GPR139: variants seen among roughly 807,000 people sequenced by gnomAD.
GPR139 encodes G protein-coupled receptor 139.
In GPR139, 12 loss-of-function variants were observed where a neutral mutation model predicts 25.8. That is an observed-to-expected ratio of 0.47 (90% confidence interval 0.30 to 0.75). The LOEUF (loss-of-function observed/expected upper bound fraction) is 0.75. GPR139 is among the 30% of genes least tolerant of loss of function. The pLI is 0.07. For missense variants in GPR139, 380 were observed against 450.2 expected (o/e 0.84, Z 1.41); for synonymous variants, 184 against 179.9 (o/e 1.02, Z -0.18).
At chr16:20,048,667 C>A (rs72772718) in intron 1 of GPR139, among the ~76,000 whole-genome samples, 12,371 of 152,282 alleles carry the variant, frequency 0.081, 589 homozygotes, top group Non-Finnish European at 0.11. Flanking sequence ...TGACAGCCAA[C>A]TGTGGTCAGG....
chr16:20,073,797 T>C lies in GPR139; in HGVS notation c.-181A>G. On this transcript the variant is annotated 5_prime_UTR_variant, in exon 1 of 2. Coordinates refer to ENST00000570682, the MANE Select transcript of GPR139 (RefSeq NM_001002911.4). This position sits in a 1 kb window ranked among gnomAD's most constrained non-coding sequence, Gnocchi z 4.7. ...TCTGCTCGCTCCGCACCTGCCCGCC[T>C]GGAGTCTTGGCTCAGCCCTCCCGCA... 1 of 771,748 alleles carries C rather than the reference T, an allele frequency of 1.3e-6. No homozygotes were observed. The allele number at this position is 771,748 out of a possible 1,614,324, so 47.8% of individuals were successfully genotyped here. A position where few individuals can be genotyped will look rare whatever the true frequency, so the allele number is the denominator to read the frequency against.
intron 1 of GPR139, among the ~76,000 whole-genome samples, chr16:20,034,300 A>G (rs1247734660): frequency 6.6e-6 from 1 of 152,166 alleles, no homozygotes; most frequent in African/African-American, 2.4e-5. Flanking sequence ...AAAAATTCTT[A>G]TAATAAACAC....
At position 20,041,140 on chromosome 16, in the gene GPR139, GGAGAGGAGAC is replaced by G. The variant is rs1482020196; in HGVS notation, c.128-8481_128-8472del. Among the ~76,000 whole-genome samples, 4 of 456 alleles carry G rather than the reference GGAGAGGAGAC, an allele frequency of 8.8e-3. No homozygotes were observed. The African/African-American group carries it at 0.11, about 12-fold the overall frequency. 0.3% of individuals were successfully genotyped at this position (456 alleles called of 152,430 possible). ...GGAAAGGAAAGGAAAGGAGAGGAGAGGAGAGGAGACGAGAGGGGAGGGGAGGGGAGGGGAG... is the reference window on the plus strand; with the variant it reads ...GGAAAGGAAAGGAAAGGAGAGGAGAGGAGAGGGGAGGGGAGGGGAGGGGAG... On this transcript the variant is annotated intron_variant, in intron 1 of 1. Coordinates refer to ENST00000570682, the MANE Select transcript of GPR139 (RefSeq NM_001002911.4).
chr16:20,053,286 G>T (rs1278572908), intron 1 of GPR139, among the ~76,000 whole-genome samples: 1 of 152,152 alleles, frequency 6.6e-6, no homozygotes, highest in Admixed American at 6.5e-5. Flanking sequence ...CGGCCTGCTG[G>T]TCTACCCCTG....
rs1372703348 is a variant in GPR139, at chr16:20,073,629, C to G, written c.-13G>C. On this transcript the variant is annotated 5_prime_UTR_variant, in exon 1 of 2. Coordinates refer to ENST00000570682, the MANE Select transcript of GPR139 (RefSeq NM_001002911.4). The surrounding 1 kb of genome is among the most constrained non-coding windows in gnomAD (Gnocchi z 4.7). ...GCGTGTGCTCCATGAGCGCGCCCCTCGCTCCCCTTGCCGCTTCGCGCCCGG... is the reference window on the plus strand; with the variant it reads ...GCGTGTGCTCCATGAGCGCGCCCCTGGCTCCCCTTGCCGCTTCGCGCCCGG... 1.9e-6 allele frequency: 3 copies of G among 1,577,660 alleles called. No homozygotes were observed. The South Asian group carries it at 3.5e-5, about 18-fold the overall frequency.
intron 1 of GPR139, among the ~76,000 whole-genome samples, chr16:20,054,782 C>T (rs1450711574): frequency 6.6e-6 from 1 of 151,950 alleles, no homozygotes; most frequent in Non-Finnish European, 1.5e-5. Flanking sequence ...GGCTGCAGTG[C>T]AGTAGTGCGA....
At chr16:20,062,762 T>C (rs2057418390) in intron 1 of GPR139, among the ~76,000 whole-genome samples, 1 of 152,196 alleles carries the variant, frequency 6.6e-6, no homozygotes, top group Non-Finnish European at 1.5e-5. Flanking sequence ...GTTAATAAAG[T>C]AAAAAGAAGC....
At chr16:20,041,261 A>C (rs8062712) in intron 1 of GPR139, among the ~76,000 whole-genome samples, 1 of 4,816 alleles carries the variant, frequency 2.1e-4, no homozygotes, top group Non-Finnish European at 1.7e-3. Context: ...GGAAGGAGAA[A>C]AGAAAAGCAT....
At position 20,032,454 on chromosome 16, in the gene GPR139, A is replaced by C; in HGVS notation, c.343T>G (p.Ser115Ala). The change falls in exon 2 of 2, where the codon TCC becomes GCC. Residue 115 changes from serine to alanine, a missense_variant. Coordinates refer to ENST00000570682, the MANE Select transcript of GPR139 (RefSeq NM_001002911.4). ...GTTAACGGTACAGTAATCCATATGG[A>C]GGTGTGGATGGATGAGAATTCCAGC... Reference protein sequence around the residue: ...EVLEFSSIHTSIWITVPLTID... With the variant: ...EVLEFSSIHTAIWITVPLTID... 6.2e-7 allele frequency: 1 copy of C among 1,614,116 alleles called. No individual in the cohort carries two copies. The highest frequency in any genetic ancestry group is 8.5e-7 in the Non-Finnish European group (1 of 1,179,982).
At chr16:20,039,620 C>G (rs1388078900) in intron 1 of GPR139, among the ~76,000 whole-genome samples, 1 of 152,112 alleles carries the variant, frequency 6.6e-6, no homozygotes, top group African/African-American at 2.4e-5. Flanking sequence ...GTAGTGGGTA[C>G]CACGATTTAA....
intron 1 of GPR139, among the ~76,000 whole-genome samples, chr16:20,064,546 A>C (rs1743207659): frequency 6.6e-6 from 1 of 152,210 alleles, no homozygotes. Flanking sequence ...TGCCTCAAAC[A>C]ACAACAACAA....
At chr16:20,032,821 A>G (rs2057296049) in intron 1 of GPR139, 152 bp from the exon 2 acceptor site, 1 of 606,814 alleles carries the variant, frequency 1.6e-6, no homozygotes, top group African/African-American at 1.9e-5. Flanking sequence ...CATTACAAAT[A>G]GCACCTCATA....
chr16:20,028,326 AT>A lies in GPR139; in HGVS notation c.*3408del, dbSNP rs1399790893. Among the ~76,000 whole-genome samples the A allele has an allele frequency of 6.6e-6, 1 of 152,238 alleles. No homozygotes were observed. Among genetic ancestry groups the A allele is most frequent in the African/African-American group, 2.4e-5 (1 of 41,464 alleles). ...TATCCCATAAATGTATACAATTATG[AT>A]TTATCAATTAAAAATAATAGTAATA... is the stretch of plus-strand genomic sequence containing the variant. On this transcript the variant is annotated 3_prime_UTR_variant, in exon 2 of 2. Transcript: ENST00000570682.
intron 1 of GPR139, among the ~76,000 whole-genome samples, chr16:20,051,102 A>G (rs1464725520): frequency 6.6e-6 from 1 of 151,916 alleles, no homozygotes; most frequent in Non-Finnish European, 1.5e-5. Context: ...AAGGAAATAA[A>G]GAAAGAAACT....
chr16:20,073,844 G>T lies in GPR139; in HGVS notation c.-228C>A, dbSNP rs114840593. On this transcript the variant is annotated 5_prime_UTR_variant, in exon 1 of 2. Transcript: ENST00000570682. The surrounding 1 kb of genome is among the most constrained non-coding windows in gnomAD (Gnocchi z 4.7). ...CGCAGGGCGCGGGGCGCAGGGTGCG[G>T]GGCGCGCTGCGCGGGGCCTCGGGAG... The T allele has an allele frequency of 2.7e-3, 1,394 of 509,688 alleles. 15 individuals are homozygous for T. Among genetic ancestry groups the T allele is most frequent in the African/African-American group, 0.025 (1,248 of 49,088 alleles). The allele number at this position is 509,688 out of a possible 1,614,324, so 31.6% of individuals were successfully genotyped here. A position where few individuals can be genotyped will look rare whatever the true frequency, so the allele number is the denominator to read the frequency against.
rs774243224 is a variant in GPR139 at position 20,032,067 on chromosome 16, G to A, written c.730C>T (p.Arg244Cys). 9.9e-6 allele frequency: 16 copies of A among 1,614,148 alleles called. No homozygotes were observed. The highest frequency in any genetic ancestry group is 1.3e-5 in the Non-Finnish European group (15 of 1,180,016). Residue 244 changes from arginine (R) to cysteine (C), a missense_variant, in exon 2 of 2, where the codon CGC (arginine) becomes TGC (cysteine). Physicochemically the swap from Arg to Cys is radical, Grantham distance 180. Transcript: ENST00000570682. ...AGGTGGTAAAGAATCATGATGATGCGGGGGGCCCAAAGTGTGGCAAAGATG... is the reference window on the plus strand; with the variant it reads ...AGGTGGTAAAGAATCATGATGATGCAGGGGGCCCAAAGTGTGGCAAAGATG... The part of the protein sequence containing the change: ...TSIFATLWAP[R>C]IIMILYHLYG...
intron 1 of GPR139, among the ~76,000 whole-genome samples, chr16:20,039,274 G>A (rs2057322060): frequency 1.3e-5 from 2 of 152,190 alleles, no homozygotes; most frequent in Admixed American, 6.5e-5. Context: ...CCACTGAATC[G>A]TCTGCTGGCC....
At chr16:20,060,257 C>CGT (rs903630946) in intron 1 of GPR139, among the ~76,000 whole-genome samples, 1 of 146,734 alleles carries the variant, frequency 6.8e-6, no homozygotes, top group African/African-American at 2.5e-5. Context: ...TGTGTGTGTG[C>CGT]GTGTGTGTGT....
intron 1 of GPR139, among the ~76,000 whole-genome samples, chr16:20,063,877 C>A (rs1860238051): frequency 6.6e-6 from 1 of 152,250 alleles, no homozygotes; most frequent in East Asian, 1.9e-4. Context: ...ATACCTGAGA[C>A]TAGGTAATTT....
Sources: allele counts gnomAD v4.1 joint callset (sites outside exome capture counted in the v4.1 genomes callset), GRCh38; gene constraint gnomAD v4.1.1; non-coding constraint Gnocchi (gnomAD v3.1); transcripts MANE v1.5; gene names NCBI Gene and HGNC (gene_info 2026-07-23, HGNC 2026-07-21).